APOOL: variants seen among roughly 807,000 people sequenced by gnomAD.
APOOL encodes the protein MICOS complex subunit MIC27.
APOOL carries 12 observed loss-of-function variants against 23.1 expected under a neutral mutation model. The observed-to-expected ratio is 0.52, with a 90% confidence interval of 0.33 to 0.84. The LOEUF (loss-of-function observed/expected upper bound fraction) is 0.84. Ranked by LOEUF, APOOL falls within the 40% of genes least tolerant of loss-of-function variation. The pLI, the probability that APOOL is intolerant of heterozygous loss-of-function variation, is 0.02. For missense variants in APOOL, 212 were observed against 199.6 expected (o/e 1.06, Z -0.37); for synonymous variants, 77 against 69.9 (o/e 1.10, Z -0.51).
chrX:85,027,569 G>A (rs1442411290), intron 1 of APOOL, among the ~76,000 whole-genome samples: 1 of 111,366 alleles, frequency 9.0e-6, no homozygotes, highest in East Asian at 2.8e-4. Flanking sequence ...TGAAGTCTCA[G>A]CTATCTGATA....
At chrX:85,035,057 A>G (rs181756794) in intron 1 of APOOL, among the ~76,000 whole-genome samples, 1 of 111,885 alleles carries the variant, frequency 8.9e-6, no homozygotes, top group East Asian at 2.8e-4. Flanking sequence ...CAGTGGCTGA[A>G]CTAATCTGTA....
intron 8 of APOOL, among the ~76,000 whole-genome samples, chrX:85,086,975 A>C (rs771010772): frequency 5.4e-5 from 6 of 111,239 alleles, no homozygotes; most frequent in African/African-American, 2.0e-4. Context: ...CTAGGATTAC[A>C]GGCGTGAGCC....
rs1317461041 is a variant in APOOL at position 85,089,958 on chromosome X, A to G, written c.*2280A>G. ...ACTAGTTAAACAAATATTTAATATTAGCTTAAGCAAAAAAAAAAAAAAAGG... is the reference window on the plus strand; with the variant it reads ...ACTAGTTAAACAAATATTTAATATTGGCTTAAGCAAAAAAAAAAAAAAAGG... On this transcript the variant is annotated 3_prime_UTR_variant, in exon 9 of 9. Coordinates refer to ENST00000373173, the MANE Select transcript of APOOL (RefSeq NM_198450.6). The G allele has an allele frequency of 1.4e-5, 1 of 70,674 alleles. No homozygotes were observed. The highest frequency in any genetic ancestry group is 2.8e-5 in the Non-Finnish European group (1 of 36,133). 5.8% of individuals were successfully genotyped at this position (70,674 alleles called of 1,213,427 possible). A position where few individuals can be genotyped will look rare whatever the true frequency, so the allele number is the denominator to read the frequency against.
chrX:85,068,809 AAAC>A lies in APOOL; in HGVS notation c.486+1598_486+1600del, dbSNP rs1384708260. Among the ~76,000 whole-genome samples the A allele has an allele frequency of 4.5e-5, 5 of 111,832 alleles. No individual in the cohort carries two copies. In the East Asian group the frequency reaches 8.4e-4, roughly 19 times the overall value. On this transcript the variant is annotated intron_variant, in intron 6 of 8. Coordinates refer to ENST00000373173, the MANE Select transcript of APOOL (RefSeq NM_198450.6). ...AATATTTCAGAAAAGTTTAGGAAAA[AAAC>A]AACAACCCAAAATGCATCTATCCAT...
At chrX:85,013,623 A>G (rs1187879286) in intron 1 of APOOL, among the ~76,000 whole-genome samples, 1 of 111,817 alleles carries the variant, frequency 8.9e-6, no homozygotes, top group Non-Finnish European at 1.9e-5. Flanking sequence ...ATGTATTTGT[A>G]TAGTTTTGAG....
At chrX:85,049,520 A>C (rs1922688401) in intron 2 of APOOL, among the ~76,000 whole-genome samples, 1 of 111,868 alleles carries the variant, frequency 8.9e-6, no homozygotes, top group Admixed American at 9.5e-5. Context: ...GCAGTGCCTC[A>C]TGCTTGTAAT....
intron 3 of APOOL, among the ~76,000 whole-genome samples, chrX:85,052,684 C>T (rs941089449): frequency 3.6e-5 from 4 of 111,708 alleles, no homozygotes; most frequent in African/African-American, 1.3e-4. Context: ...TTGTGTTTGT[C>T]ATACAATTCT....
chrX:85,092,439 G>C lies in APOOL; in HGVS notation c.*4761G>C. ...GGAGTTCTTCTCTGTTAAACCTGAA[G>C]AGATGCCAGCCCTCCTCAGAGGAAA... On this transcript the variant is annotated 3_prime_UTR_variant, in exon 9 of 9. Transcript: ENST00000373173. The C allele has an allele frequency of 8.4e-7, 1 of 1,195,377 alleles. No homozygotes were observed. The highest frequency in any genetic ancestry group is 1.1e-6 in the Non-Finnish European group (1 of 887,093).
chrX:85,054,330 T>C lies in APOOL; in HGVS notation c.241-14T>C, dbSNP rs754970390. On this transcript the variant is annotated splice_polypyrimidine_tract_variant and intron_variant, in intron 3 of 8. Coordinates refer to ENST00000373173, the MANE Select transcript of APOOL (RefSeq NM_198450.6). ...AAAAATGCAGATGTCTTCCCCCCCT[T>C]TTTTTTTGCTTAGGGTGTTTATGTC... 12 of 1,171,489 alleles carry C rather than the reference T, an allele frequency of 1.0e-5. No homozygotes were observed. In the East Asian group the frequency reaches 2.2e-4, roughly 21 times the overall value.
chrX:85,092,284 T>C lies in APOOL; in HGVS notation c.*4606T>C, dbSNP rs1924541776. 1.2e-6 allele frequency: 1 copy of C among 845,352 alleles called. No homozygotes were observed. Among genetic ancestry groups the C allele is most frequent in the Non-Finnish European group, 1.6e-6 (1 of 625,928 alleles). 69.7% of individuals were successfully genotyped at this position (845,352 alleles called of 1,213,427 possible). ...AATAAAAGATCTGCTCAAACAAGAA[T>C]GTGATGATCACTTGCTGTATTGTAC... On this transcript the variant is annotated 3_prime_UTR_variant, in exon 9 of 9. Coordinates refer to ENST00000373173, the MANE Select transcript of APOOL (RefSeq NM_198450.6).
intron 1 of APOOL, among the ~76,000 whole-genome samples, chrX:85,037,205 A>G (rs1319961475): frequency 2.7e-5 from 3 of 111,742 alleles, no homozygotes; most frequent in African/African-American, 9.8e-5. Flanking sequence ...ATCTGGAGGC[A>G]TCACATTACC....
In APOOL at chrX:85,003,922, A is replaced by G; in HGVS notation, c.10A>G (p.Ile4Val). The change falls in exon 1 of 9, where the codon ATC becomes GTC. Residue 4 changes from isoleucine to valine, a missense_variant. Ile to Val is a conservative substitution (Grantham distance 29). Coordinates refer to ENST00000373173, the MANE Select transcript of APOOL (RefSeq NM_198450.6). MAA[I>V]RMGKLTTMPA... ...CGAAAGGGTTGTAGACATGGCGGCC[A>G]TCAGGGTAAGCGAAAACCAACTTGC... The G allele has an allele frequency of 2.5e-6, 3 of 1,211,897 alleles. No individual in the cohort carries two copies. Among genetic ancestry groups the G allele is most frequent in the Non-Finnish European group, 3.4e-6 (3 of 895,446 alleles).
chrX:85,016,532 G>T (rs1239337802), intron 1 of APOOL, among the ~76,000 whole-genome samples: 1 of 110,872 alleles, frequency 9.0e-6, no homozygotes, highest in Non-Finnish European at 1.9e-5. Flanking sequence ...CTCTCATGCT[G>T]GCCTGAACCT....
At chrX:85,034,474 T>A (rs1650562048) in intron 1 of APOOL, among the ~76,000 whole-genome samples, 2 of 111,370 alleles carry the variant, frequency 1.8e-5, no homozygotes, top group African/African-American at 3.3e-5. Context: ...TTTTTAATAA[T>A]TTCAACTTTT....
At chrX:85,081,811 C>T (rs1257673819) in intron 8 of APOOL, among the ~76,000 whole-genome samples, 1 of 111,574 alleles carries the variant, frequency 9.0e-6, no homozygotes, top group Admixed American at 9.6e-5. Context: ...TGTCTCTAAA[C>T]TTCTCTTCTC....
At chrX:85,040,011 A>C (rs1304504723) in intron 1 of APOOL, among the ~76,000 whole-genome samples, 1 of 111,737 alleles carries the variant, frequency 8.9e-6, no homozygotes, top group African/African-American at 3.2e-5. Context: ...CTATGTACTT[A>C]AGGGGATTTT....
chrX:85,055,869 C>T lies in APOOL; in HGVS notation c.338C>T (p.Pro113Leu), dbSNP rs745872826. 1.5e-5 allele frequency: 18 copies of T among 1,197,969 alleles called. No individual in the cohort carries two copies. In the Admixed American group the frequency reaches 1.6e-4, roughly 11 times the overall value. The part of the protein sequence containing the change: ...YLKNPPRDFL[P>L]KMGVITVSGL... ...AAGAATCCTCCTCGAGATTTTCTTC[C>T]GAAAATGGGAGTTATTACAGTTTCA... is the stretch of plus-strand genomic sequence containing the variant. The change falls in exon 5 of 9, where the codon CCG (proline) becomes CTG (leucine). Residue 113 changes from proline (P) to leucine (L), a missense_variant. Coordinates refer to ENST00000373173, the MANE Select transcript of APOOL (RefSeq NM_198450.6).
chrX:85,086,947 T>C (rs908573271), intron 8 of APOOL, among the ~76,000 whole-genome samples: 6 of 109,868 alleles, frequency 5.5e-5, no homozygotes, highest in Non-Finnish European at 7.6e-5. Flanking sequence ...GATCCGCCCG[T>C]CTCGGCCTCC....
intron 1 of APOOL, among the ~76,000 whole-genome samples, chrX:85,031,094 G>A (rs1442695567): frequency 9.0e-6 from 1 of 111,575 alleles, no homozygotes; most frequent in Non-Finnish European, 1.9e-5. Context: ...AGAGTGTGTT[G>A]GCCTGCAAGC....
Sources: allele counts gnomAD v4.1 joint callset (sites outside exome capture counted in the v4.1 genomes callset), GRCh38; gene constraint gnomAD v4.1.1; transcripts MANE v1.5; gene names NCBI Gene and HGNC (gene_info 2026-07-23, HGNC 2026-07-21).